The following CPNE8 variants were observed in gnomAD, a reference collection of about 807,000 sequenced individuals.
CPNE8 encodes copine-8.
In CPNE8, 45 loss-of-function variants were observed where a neutral mutation model predicts 81.5. The ratio of observed to expected loss-of-function variants is 0.55; its 90% CI spans 0.44 to 0.71. CPNE8 has a LOEUF of 0.71. Among genes scored for constraint, CPNE8 ranks in the 30% least tolerant of loss-of-function variants. The pLI is 0.00. For missense variants in CPNE8, 594 were observed against 672.1 expected (o/e 0.88, Z 1.28); for synonymous variants, 252 against 226.3 (o/e 1.11, Z -1.02).
At chr12:38,750,608 A>G (rs551181602) in intron 10 of CPNE8, among the ~76,000 whole-genome samples, 1 of 152,266 alleles carries the variant, frequency 6.6e-6, no homozygotes, top group South Asian at 2.1e-4. Flanking sequence ...TGGATTTTGG[A>G]CTTGCATGGG....
intron 10 of CPNE8, among the ~76,000 whole-genome samples, chr12:38,757,553 C>T (rs189071359): frequency 2.2e-4 from 34 of 151,860 alleles, no homozygotes; most frequent in Admixed American, 1.2e-3. Context: ...ATACATAAGA[C>T]AAGTTATTGA....
upstream of CPNE8, chr12:38,905,852 CAGG>C (rs1944563732): frequency 2.0e-6 from 2 of 985,314 alleles, no homozygotes; most frequent in Non-Finnish European, 2.4e-6. Context: ...CTGGAGGGGT[CAGG>C]CTTGGTGGAC....
intron 18 of CPNE8, among the ~76,000 whole-genome samples, chr12:38,672,865 T>C (rs1300368858): frequency 6.6e-6 from 1 of 152,218 alleles, no homozygotes; most frequent in Non-Finnish European, 1.5e-5. Flanking sequence ...CAACATATTG[T>C]ATTTCTTGCC....
At chr12:38,735,039 T>G (rs1322144258) in intron 10 of CPNE8, among the ~76,000 whole-genome samples, 1 of 152,110 alleles carries the variant, frequency 6.6e-6, no homozygotes, top group African/African-American at 2.4e-5. Context: ...ACAAATTGTA[T>G]GTGAAAGACA....
intron 6 of CPNE8, among the ~76,000 whole-genome samples, chr12:38,782,419 T>C (rs530264239): frequency 3.9e-4 from 60 of 152,274 alleles, no homozygotes; most frequent in Non-Finnish European, 7.4e-4. Flanking sequence ...TATGTATCAT[T>C]GTGAAGTTTC....
chr12:38,679,733 C>T (rs1190842488), intron 16 of CPNE8: 1 of 978,220 alleles, frequency 1.0e-6, no homozygotes, highest in East Asian at 1.1e-4. Flanking sequence ...CAAACAAAAT[C>T]AATGTTGTAT....
intron 7 of CPNE8, among the ~76,000 whole-genome samples, chr12:38,768,623 C>T (rs959959772): frequency 6.6e-6 from 1 of 152,096 alleles, no homozygotes; most frequent in Non-Finnish European, 1.5e-5. Context: ...GGGTTCTCCC[C>T]ATTCTCCTGC....
intron 6 of CPNE8, among the ~76,000 whole-genome samples, chr12:38,802,633 G>GC (rs1207062838): frequency 6.6e-6 from 1 of 151,062 alleles, no homozygotes; most frequent in Non-Finnish European, 1.5e-5. Flanking sequence ...TCAAAAGCTG[G>GC]CAGAAGGCAA....
At chr12:38,796,936 G>C (rs140769703) in intron 6 of CPNE8, among the ~76,000 whole-genome samples, 2 of 152,052 alleles carry the variant, frequency 1.3e-5, no homozygotes, top group South Asian at 2.1e-4. Flanking sequence ...ATGGAGTCTC[G>C]CTGATTGCTA....
At chr12:38,751,684 G>A (rs1182331415) in intron 10 of CPNE8, among the ~76,000 whole-genome samples, 1 of 150,374 alleles carries the variant, frequency 6.7e-6, no homozygotes, top group Admixed American at 6.8e-5. Context: ...CAGCAATAGT[G>A]GCACTGGAGA....
At chr12:38,719,495 C>G (rs1217453726) in intron 13 of CPNE8, among the ~76,000 whole-genome samples, 1 of 148,602 alleles carries the variant, frequency 6.7e-6, no homozygotes, top group Non-Finnish European at 1.5e-5. Context: ...CCCAGCTACT[C>G]GGGAGGCTGA....
At chr12:38,662,410 C>T (rs1938979394) in intron 19 of CPNE8, among the ~76,000 whole-genome samples, 2 of 151,802 alleles carry the variant, frequency 1.3e-5, no homozygotes, top group Admixed American at 1.3e-4. Flanking sequence ...TTTATAATAG[C>T]CAAAAAAACT....
chr12:38,705,895 T>A (rs1940095387), intron 13 of CPNE8, among the ~76,000 whole-genome samples: 1 of 152,108 alleles, frequency 6.6e-6, no homozygotes, highest in African/African-American at 2.4e-5. Flanking sequence ...CATTTTATTT[T>A]ACACACATAA....
At chr12:38,693,230 A>G (rs1939718195) in intron 15 of CPNE8, among the ~76,000 whole-genome samples, 1 of 152,138 alleles carries the variant, frequency 6.6e-6, no homozygotes, top group Non-Finnish European at 1.5e-5. Context: ...ATATGGCCCC[A>G]GTCACCAATT....
At chr12:38,700,477 G>A (rs181036377) in intron 14 of CPNE8, among the ~76,000 whole-genome samples, 52 of 151,400 alleles carry the variant, frequency 3.4e-4, no homozygotes, top group African/African-American at 9.9e-4. Flanking sequence ...CATCCGCCTC[G>A]GCCTCCCAAA....
At chr12:38,780,623 A>T (rs193082071) in intron 6 of CPNE8, among the ~76,000 whole-genome samples, 1 of 152,232 alleles carries the variant, frequency 6.6e-6, no homozygotes, top group East Asian at 1.9e-4. Context: ...TGATCGACAA[A>T]GATATGATCT....
intron 17 of CPNE8, among the ~76,000 whole-genome samples, chr12:38,676,700 A>C (rs1390717166): frequency 3.3e-5 from 5 of 152,202 alleles, no homozygotes; most frequent in African/African-American, 1.2e-4. Context: ...TAAATAATTT[A>C]ATAGTAAGAA....
intron 6 of CPNE8, among the ~76,000 whole-genome samples, chr12:38,796,376 T>C (rs949945792): frequency 2.6e-5 from 4 of 151,962 alleles, no homozygotes; most frequent in Non-Finnish European, 4.4e-5. Flanking sequence ...TTTAGGGCAA[T>C]AAAAATTTCT....
intron 13 of CPNE8, among the ~76,000 whole-genome samples, chr12:38,713,187 C>T (rs986647219): frequency 6.6e-6 from 1 of 152,204 alleles, no homozygotes; most frequent in African/African-American, 2.4e-5. Context: ...TCAGCAACCA[C>T]TTCTTTGAAA....
Sources: gnomAD v4.1 joint callset for allele counts (sites outside exome capture counted in the v4.1 genomes callset) on GRCh38, gnomAD v4.1.1 for gene constraint, MANE v1.5 for transcripts, NCBI Gene and HGNC (gene_info 2026-07-23, HGNC 2026-07-21) for gene names.